Variants in CEP164 observed in about 807,000 individuals in gnomAD.
CEP164 encodes centrosomal protein 164.
CEP164 carries 162 observed loss-of-function variants against 182.7 expected under a neutral mutation model. The observed-to-expected ratio is 0.89, with a 90% CI of 0.78 to 1.01. The LOEUF is 1.01. CEP164 is among the 50% of genes least tolerant of loss of function. The probability of loss-of-function intolerance (pLI) is 0.00; values close to 1 mark genes in which losing one functional copy is unlikely to be tolerated. For missense variants in CEP164, 1,735 were observed against 1,790.4 expected (o/e 0.97, Z 0.56); for synonymous variants, 661 against 690.0 (o/e 0.96, Z 0.66).
chr11:117,356,797 T>C (rs574780404), intron 5 of CEP164, among the ~76,000 whole-genome samples: 1 of 152,344 alleles, frequency 6.6e-6, no homozygotes, highest in African/African-American at 2.4e-5. Context: ...TTGAAGTTTC[T>C]TCTACTCCAT....
chr11:117,361,002 T>C (rs1187389399), intron 5 of CEP164, among the ~76,000 whole-genome samples: 2 of 149,774 alleles, frequency 1.3e-5, no homozygotes, highest in Non-Finnish European at 3.0e-5. Flanking sequence ...TGGTGTGATC[T>C]CGGGTCACTG....
At chr11:117,333,747 G>T (rs943224616) in intron 1 of CEP164, among the ~76,000 whole-genome samples, 1 of 151,700 alleles carries the variant, frequency 6.6e-6, no homozygotes, top group African/African-American at 2.4e-5. Context: ...TGTTGCTCAC[G>T]GTGGTCTTGA....
rs1592374471 is a variant in CEP164, at chr11:117,393,308, C to T, written c.2616+182C>T. On this transcript the variant is annotated intron_variant, in intron 20 of 32. Transcript: ENST00000278935. ...TCAGGGATTGTGGGAGGTTTTCCTT[C>T]CTGGTACCCTGCCACGATGATGTTT... 2.0e-5 allele frequency among the ~76,000 whole-genome samples: 3 copies of T among 152,314 alleles called. No individual in the cohort carries two copies. In the South Asian group the frequency reaches 6.2e-4, roughly 32 times the overall value.
At chr11:117,362,653 C>A in intron 7 of CEP164, 115 bp downstream of exon 7, 1 of 1,174,312 alleles carries the variant, frequency 8.5e-7, no homozygotes, top group Non-Finnish European at 1.2e-6. Flanking sequence ...CCCTTTTAAC[C>A]ATTTTAAAGT....
At chr11:117,352,691 A>T (rs1007802939) in intron 5 of CEP164, among the ~76,000 whole-genome samples, 1 of 152,160 alleles carries the variant, frequency 6.6e-6, no homozygotes. Flanking sequence ...GGCTCAAGCA[A>T]TTCTCCTGCC....
At chr11:117,386,884 C>G (rs1269023307) in intron 14 of CEP164, 1 of 332,260 alleles carries the variant, frequency 3.0e-6, no homozygotes, top group Non-Finnish European at 5.6e-6. Flanking sequence ...GAGCTTCACT[C>G]TCTCCCTGCT....
chr11:117,375,639 G>A, intron 10 of CEP164, 69 bp from the exon 11 acceptor site: 1 of 1,317,192 alleles, frequency 7.6e-7, no homozygotes, highest in Non-Finnish European at 1.1e-6. Context: ...AGTTGGGGTA[G>A]TGAAGAGGCC....
At chr11:117,324,667 A>C (rs992862117), upstream of CEP164, among the ~76,000 whole-genome samples, 4 of 152,098 alleles carry the variant, frequency 2.6e-5, no homozygotes, top group Admixed American at 6.5e-5. Context: ...AGAGCAAGGA[A>C]CCCATGCTAA....
intron 4 of CEP164, among the ~76,000 whole-genome samples, chr11:117,346,389 G>A (rs2038898389): frequency 6.6e-6 from 1 of 151,970 alleles, no homozygotes; most frequent in African/African-American, 2.4e-5. Context: ...CTCCTGAGTA[G>A]CTGGGATTAC....
chr11:117,339,521 TG>T (rs371592355), intron 3 of CEP164, among the ~76,000 whole-genome samples: 1,418 of 73,884 alleles, frequency 0.019, 58 homozygotes, highest in East Asian at 0.05. Flanking sequence ...CTTTGTTTTT[TG>T]TTTTTTTTTT....
chr11:117,391,243 C>T (rs2044612266), intron 17 of CEP164, 28 bp downstream of exon 17: 1 of 1,579,582 alleles, frequency 6.3e-7, no homozygotes, highest in Non-Finnish European at 8.6e-7. Flanking sequence ...GGACCTCACC[C>T]TCTGACCTGT....
At chr11:117,340,414 G>A (rs761376038) in intron 3 of CEP164, among the ~76,000 whole-genome samples, 1 of 152,234 alleles carries the variant, frequency 6.6e-6, no homozygotes. Context: ...TACAAAGTTT[G>A]CTTATAATTC....
At position 117,344,293 on chromosome 11, in the gene CEP164, G is replaced by C. The variant is rs574862830; in HGVS notation, c.194+16G>C. The C allele has an allele frequency of 1.9e-6, 3 of 1,570,626 alleles. No individual in the cohort carries two copies. Among genetic ancestry groups the C allele is most frequent in the East Asian group, 2.2e-5 (1 of 44,506 alleles). On this transcript the variant is annotated intron_variant, in intron 4 of 32. Coordinates refer to ENST00000278935, the MANE Select transcript of CEP164 (RefSeq NM_014956.5). ...GGAAACCATGGTAAGTCAGCAGGGGGTGCGGCCACTGACTTGGCCTAGCAG... is the reference window on the plus strand; with the variant it reads ...GGAAACCATGGTAAGTCAGCAGGGGCTGCGGCCACTGACTTGGCCTAGCAG...
intron 2 of CEP164, chr11:117,336,140 T>C: frequency 6.4e-7 from 1 of 1,563,304 alleles, no homozygotes; most frequent in South Asian, 1.1e-5. Flanking sequence ...CAACATGGCT[T>C]CTGAAGCTTG....
At chr11:117,359,541 C>T (rs2040699161) in intron 5 of CEP164, 2 of 985,316 alleles carry the variant, frequency 2.0e-6, no homozygotes. Context: ...ACCGGTCTGG[C>T]CCCTAGGCTG....
chr11:117,331,478 A>G (rs537388970), intron 1 of CEP164, among the ~76,000 whole-genome samples: 1 of 152,262 alleles, frequency 6.6e-6, no homozygotes, highest in South Asian at 2.1e-4. Flanking sequence ...GTGTTGTTTC[A>G]TTTTACTTTC....
chr11:117,363,484 T>TG lies in CEP164; in HGVS notation c.749dup (p.Asp251Ter), dbSNP rs1402460878. On this transcript the variant is annotated frameshift_variant, in exon 8 of 33. Transcript: ENST00000278935. LOFTEE classifies it high-confidence loss of function. ...AACCTACACCTGGACATTGGGGCAC[T>TG]GGGGGGTGACTTTGAGTATGAGGTA... The TG allele has an allele frequency of 1.7e-5, 28 of 1,613,832 alleles. No homozygotes were observed. Among genetic ancestry groups the TG allele is most frequent in the Non-Finnish European group, 2.3e-5 (27 of 1,179,860 alleles).
At chr11:117,357,241 GGATTACAGGT>G (rs1396553541) in intron 5 of CEP164, among the ~76,000 whole-genome samples, 1 of 151,638 alleles carries the variant, frequency 6.6e-6, no homozygotes, top group African/African-American at 2.4e-5. Context: ...CAAATAGCTG[GGATTACAGGT>G]GCTCACCACC....
chr11:117,373,655 A>G lies in CEP164; in HGVS notation c.1153-96A>G, dbSNP rs1407024719. ...TGGATTTCAGTTTGACCTGAGCCCTATATTGGCCCCATGGCCTGAACAGAA... is the reference window on the plus strand; with the variant it reads ...TGGATTTCAGTTTGACCTGAGCCCTGTATTGGCCCCATGGCCTGAACAGAA... On this transcript the variant is annotated intron_variant, in intron 9 of 32. Coordinates refer to ENST00000278935, the MANE Select transcript of CEP164 (RefSeq NM_014956.5). 2.9e-5 allele frequency: 30 copies of G among 1,024,952 alleles called. 1 individual carries two copies. The highest frequency in any genetic ancestry group is 5.4e-5 in the South Asian group (4 of 73,998). The allele number at this position is 1,024,952 out of a possible 1,614,324, so 63.5% of individuals were successfully genotyped here.
Sources: gnomAD v4.1 joint callset for allele counts (sites outside exome capture counted in the v4.1 genomes callset) on GRCh38, gnomAD v4.1.1 for gene constraint, MANE v1.5 for transcripts, NCBI Gene and HGNC (gene_info 2026-07-23, HGNC 2026-07-21) for gene names.